The following LAMA2 variants were observed in gnomAD, a reference collection of about 807,000 sequenced individuals.
LAMA2 encodes laminin subunit alpha 2.
Under a neutral mutation model 364.8 loss-of-function variants are expected in LAMA2, and 269 were observed. The ratio of observed to expected loss-of-function variants is 0.74; its 90% confidence interval spans 0.67 to 0.82. The LOEUF (loss-of-function observed/expected upper bound fraction) is 0.82. Ranked by LOEUF, LAMA2 falls within the 40% of genes least tolerant of loss-of-function variation. The probability of loss-of-function intolerance (pLI) is 0.00; values close to 1 mark genes in which losing one functional copy is unlikely to be tolerated. For missense variants in LAMA2, 3,807 were observed against 3,873.2 expected, an observed-to-expected ratio of 0.98 and a Z score of 0.45; for synonymous variants, 1,379 against 1,370.6, an observed-to-expected ratio of 1.01 and a Z score of -0.14.
In LAMA2 at chr6:129,222,916, C is replaced by A. The variant is rs1268041684; in HGVS notation, c.1783-27196C>A. ...AGTTCTAGATCCTTGAGGAATCGCC[C>A]CACTGTCTTCCACAATGGTTGAACT... On this transcript the variant is annotated intron_variant, in intron 12 of 64. Coordinates refer to ENST00000421865, the MANE Select transcript of LAMA2 (RefSeq NM_000426.4). Among the ~76,000 whole-genome samples, 10 of 152,192 alleles carry A rather than the reference C, an allele frequency of 6.6e-5. No homozygotes were observed. The South Asian group carries it at 1.2e-3, about 19-fold the overall frequency.
chr6:129,149,559 C>A (rs897614876), intron 7 of LAMA2, among the ~76,000 whole-genome samples: 1 of 152,080 alleles, frequency 6.6e-6, no homozygotes, highest in African/African-American at 2.4e-5. Flanking sequence ...ACTATATATC[C>A]TTTGAATAAC....
At chr6:128,911,184 T>A (rs1441153079) in intron 1 of LAMA2, among the ~76,000 whole-genome samples, 1 of 152,202 alleles carries the variant, frequency 6.6e-6, no homozygotes, top group African/African-American at 2.4e-5. Flanking sequence ...GCTTCCCGGC[T>A]GCTTTGTTTA....
intron 1 of LAMA2, among the ~76,000 whole-genome samples, chr6:128,907,691 GA>G (rs1478402745): frequency 6.6e-6 from 1 of 152,150 alleles, no homozygotes; most frequent in African/African-American, 2.4e-5. Context: ...AGTGGTGAGA[GA>G]GGGCATCCCT....
intron 12 of LAMA2, among the ~76,000 whole-genome samples, chr6:129,246,114 A>G (rs1210752149): frequency 6.6e-6 from 1 of 152,196 alleles, no homozygotes; most frequent in African/African-American, 2.4e-5. Context: ...ATAAATAACC[A>G]GAATCACTTA....
At chr6:129,062,557 C>T (rs1195307619) in intron 3 of LAMA2, among the ~76,000 whole-genome samples, 3 of 152,118 alleles carry the variant, frequency 2.0e-5, no homozygotes, top group African/African-American at 7.2e-5. Context: ...GGGACTAGAA[C>T]CCTCATTTTC....
chr6:129,358,614 G>C (rs1777290313), intron 32 of LAMA2, among the ~76,000 whole-genome samples: 1 of 151,992 alleles, frequency 6.6e-6, no homozygotes, highest in South Asian at 2.1e-4. Context: ...GCTACAGAAG[G>C]TTTGAAACCT....
intron 1 of LAMA2, among the ~76,000 whole-genome samples, chr6:128,911,982 C>T (rs1371373679): frequency 6.6e-6 from 1 of 152,158 alleles, no homozygotes; most frequent in African/African-American, 2.4e-5. Flanking sequence ...ATATTTTGCT[C>T]CTTTTAATCG....
chr6:128,929,439 G>T (rs1046802505), intron 1 of LAMA2: 10 of 845,964 alleles, frequency 1.2e-5, no homozygotes, highest in Admixed American at 8.5e-5. Context: ...TGGAGAAGGA[G>T]TGGACGGTGA....
intron 31 of LAMA2, among the ~76,000 whole-genome samples, chr6:129,350,542 A>G (rs1425627362): frequency 1.3e-5 from 2 of 152,182 alleles, no homozygotes; most frequent in African/African-American, 4.8e-5. Flanking sequence ...AAGTTTTGAG[A>G]TCTTATTTTA....
At chr6:129,275,895 C>T (rs1788290008) in intron 17 of LAMA2, among the ~76,000 whole-genome samples, 1 of 151,920 alleles carries the variant, frequency 6.6e-6, no homozygotes, top group Middle Eastern at 3.2e-3. Context: ...CGTTCAAAGA[C>T]ATACTTAGAA....
At chr6:129,405,221 G>C (rs566229034) in intron 40 of LAMA2, among the ~76,000 whole-genome samples, 2 of 152,086 alleles carry the variant, frequency 1.3e-5, no homozygotes, top group African/African-American at 4.8e-5. Context: ...CTGGCAAATA[G>C]TAGGCACTTA....
At chr6:129,442,383 G>A (rs1166202500) in intron 43 of LAMA2, among the ~76,000 whole-genome samples, 1 of 152,036 alleles carries the variant, frequency 6.6e-6, no homozygotes, top group African/African-American at 2.4e-5. Context: ...CCCAGAAATG[G>A]CTTCTCTTGT....
intron 1 of LAMA2, among the ~76,000 whole-genome samples, chr6:128,980,778 A>AT (rs1204617001): frequency 1.3e-5 from 2 of 152,104 alleles, no homozygotes; most frequent in African/African-American, 4.8e-5. Flanking sequence ...AGATATTTTA[A>AT]TTTTTTCTTG....
intron 52 of LAMA2, among the ~76,000 whole-genome samples, chr6:129,474,921 C>A (rs1783992391): frequency 6.6e-6 from 1 of 152,126 alleles, no homozygotes; most frequent in South Asian, 2.1e-4. Context: ...GATAAAGGAA[C>A]CAAACATTCA....
chr6:129,257,886 AGTC>A (rs1271830513), intron 14 of LAMA2, among the ~76,000 whole-genome samples: 1 of 152,108 alleles, frequency 6.6e-6, no homozygotes, highest in Non-Finnish European at 1.5e-5. Flanking sequence ...TGTGGCTAGT[AGTC>A]TTTATTGTAT....
chr6:129,020,884 A>G (rs1785409596), intron 1 of LAMA2, among the ~76,000 whole-genome samples: 1 of 152,190 alleles, frequency 6.6e-6, no homozygotes, highest in Non-Finnish European at 1.5e-5. Context: ...CAAAGTGCTC[A>G]GCTCCTCAAA....
At chr6:129,018,156 G>A (rs1288375850) in intron 1 of LAMA2, among the ~76,000 whole-genome samples, 4 of 151,864 alleles carry the variant, frequency 2.6e-5, no homozygotes, top group Non-Finnish European at 5.9e-5. Flanking sequence ...AGTTTGAATT[G>A]ATTTTGAAAT....
At chr6:129,361,141 G>GA (rs1466126848) in intron 32 of LAMA2, among the ~76,000 whole-genome samples, 2 of 152,282 alleles carry the variant, frequency 1.3e-5, no homozygotes, top group Non-Finnish European at 2.9e-5. Flanking sequence ...TCTTGGAGGT[G>GA]AAAAAAGAGC....
intron 34 of LAMA2, among the ~76,000 whole-genome samples, chr6:129,373,416 T>C (rs1235605942): frequency 6.6e-6 from 1 of 152,234 alleles, no homozygotes; most frequent in African/African-American, 2.4e-5. Context: ...CTCCCCATTG[T>C]TAACATCTTA....
Sources: gnomAD v4.1 joint callset for allele counts (sites outside exome capture counted in the v4.1 genomes callset) on GRCh38, gnomAD v4.1.1 for gene constraint, MANE v1.5 for transcripts, NCBI Gene and HGNC (gene_info 2026-07-23, HGNC 2026-07-21) for gene names.